Variants in ARGFX observed in about 807,000 individuals in gnomAD.
The protein encoded by ARGFX is arginine-fifty homeobox.
A neutral mutation model predicts 8.0 loss-of-function variants in ARGFX; 10 were observed. The observed-to-expected ratio is 1.25, with a 90% CI of 0.77 to 2.12. ARGFX has a LOEUF of 2.12. ARGFX is among the 30% of genes most tolerant of loss of function. ARGFX has a pLI of 0.00. For synonymous variants in ARGFX, 116 were observed against 117.8 expected, an observed-to-expected ratio of 0.98 and a Z score of 0.10; for missense variants, 282 against 324.3, an observed-to-expected ratio of 0.87 and a Z score of 1.00.
chr3:121,577,244 TA>T (rs1560120448), intron 3 of ARGFX, among the ~76,000 whole-genome samples: 45 of 53,352 alleles, frequency 8.4e-4, no homozygotes, highest in African/African-American at 2.8e-3. Context: ...TATATATATA[TA>T]TATATATATA....
chr3:121,578,148 CAG>C (rs1422779516), intron 3 of ARGFX, among the ~76,000 whole-genome samples: 4 of 106,288 alleles, frequency 3.8e-5, no homozygotes, highest in African/African-American at 1.2e-4. Context: ...TTTTTTGAGA[CAG>C]AGTTTCACTC....
intron 2 of ARGFX, 63 bp from the exon 3 acceptor site, chr3:121,576,721 T>C (rs1475540409): frequency 3.6e-6 from 1 of 280,516 alleles, no homozygotes; most frequent in Non-Finnish European, 7.1e-6. Flanking sequence ...CTTTCTTTCT[T>C]TCTTTCTTTC....
At chr3:121,584,434 T>A (rs1466221436) in intron 3 of ARGFX, among the ~76,000 whole-genome samples, 1 of 152,176 alleles carries the variant, frequency 6.6e-6, no homozygotes, top group Non-Finnish European at 1.5e-5. Context: ...TTCTATTTCA[T>A]AATTAAAAAA....
At chr3:121,577,259 A>ATATATATATTTTT (rs1403064031) in intron 3 of ARGFX, among the ~76,000 whole-genome samples, 12 of 59,612 alleles carry the variant, frequency 2.0e-4, no homozygotes, top group East Asian at 6.9e-4. Context: ...ATATATATAT[A>ATATATATATTTTT]TTTTTTTTTT....
intron 3 of ARGFX, among the ~76,000 whole-genome samples, chr3:121,581,993 A>G (rs1378038715): frequency 6.6e-6 from 1 of 152,202 alleles, no homozygotes; most frequent in African/African-American, 2.4e-5. Context: ...ATTGAACAGA[A>G]CAGCTCTAGA....
At chr3:121,579,940 CTTTTCTTTTTT>C (rs1282921734) in intron 3 of ARGFX, among the ~76,000 whole-genome samples, 2 of 43,256 alleles carry the variant, frequency 4.6e-5, no homozygotes, top group African/African-American at 1.8e-4. Context: ...CTTTTCTTTT[CTTTTCTTTTTT>C]TTTTTTTTTT....
Position 121,574,254 on chromosome 3 carries a change from AG to A in ARGFX, c.104-2527del, listed in dbSNP as rs2048724243. On this transcript the variant is annotated intron_variant, in intron 2 of 4. Coordinates refer to ENST00000334384, the MANE Select transcript of ARGFX (RefSeq NM_001012659.2). The stretch of plus-strand genomic sequence containing the variant: ...AGCAGTCTCCAACCTTTTTGGCACC[AG>A]GGACTGGTTTGTGGAAGACAGTTTT... Among the ~76,000 whole-genome samples, 3 of 152,216 alleles carry A rather than the reference AG, an allele frequency of 2.0e-5. No individual in the cohort carries two copies. The South Asian group carries it at 6.2e-4, about 32-fold the overall frequency.
intron 4 of ARGFX, 139 bp from the exon 5 acceptor site, chr3:121,585,883 C>A: frequency 2.6e-6 from 2 of 778,682 alleles, no homozygotes; most frequent in Non-Finnish European, 4.1e-6. Context: ...TCATGCCCAT[C>A]TCTGCTTTTG....
intron 3 of ARGFX, among the ~76,000 whole-genome samples, chr3:121,577,257 A>ATTTT (rs1451662475): frequency 4.8e-3 from 268 of 56,366 alleles, no homozygotes; most frequent in South Asian, 7.9e-3. Context: ...ATATATATAT[A>ATTTT]TATTTTTTTT....
Position 121,570,776 on chromosome 3 carries a change from C to T in ARGFX, c.63C>T (p.Ser21=). The change falls in exon 2 of 5, where the codon TCC becomes TCT. Residue 21 remains serine (S), a synonymous_variant. Coordinates refer to ENST00000334384, the MANE Select transcript of ARGFX (RefSeq NM_001012659.2). The part of the protein sequence containing the change: ...QPDPFINRNY[S]NMKVIPPQDP... ...ACCCTTTCATCAATAGGAATTATTC[C>T]AACATGAAGGTGATACCACCACAGG... 1 of 1,608,776 alleles carries T rather than the reference C, an allele frequency of 6.2e-7. No homozygotes were observed. Among genetic ancestry groups the T allele is most frequent in the Non-Finnish European group, 8.5e-7 (1 of 1,177,826 alleles).
chr3:121,570,482 G>A (rs1157560500), intron 1 of ARGFX, among the ~76,000 whole-genome samples: 2 of 152,148 alleles, frequency 1.3e-5, no homozygotes, highest in South Asian at 2.1e-4. Context: ...ATTGACACAG[G>A]ATTTCTTTTG....
intron 3 of ARGFX, among the ~76,000 whole-genome samples, chr3:121,578,080 C>G (rs889138946): frequency 1.3e-5 from 2 of 151,422 alleles, no homozygotes; most frequent in African/African-American, 4.9e-5. Flanking sequence ...GCCACCACAC[C>G]TGGCCAAAAG....
intron 3 of ARGFX, among the ~76,000 whole-genome samples, chr3:121,577,247 ATATATATATATATT>A (rs1198803269): frequency 5.0e-4 from 26 of 52,142 alleles, no homozygotes; most frequent in East Asian, 1.4e-3. Context: ...ATATATATAT[ATATATATATATATT>A]TTTTTTTTTT....
At position 121,587,222 on chromosome 3, in the gene ARGFX, T is replaced by C. The variant is rs1379263614; in HGVS notation, c.*622T>C. Among the ~76,000 whole-genome samples, 1 of 152,142 alleles carries C rather than the reference T, an allele frequency of 6.6e-6. No homozygotes were observed. The highest frequency in any genetic ancestry group is 1.5e-5 in the Non-Finnish European group (1 of 68,020). On this transcript the variant is annotated 3_prime_UTR_variant, in exon 5 of 5. Coordinates refer to ENST00000334384, the MANE Select transcript of ARGFX (RefSeq NM_001012659.2). ...GTGTGCCACCATGCCTGGCTAACTTTTGTATTTTTAGTAGAGACGGGGTTT... is the reference window on the plus strand; with the variant it reads ...GTGTGCCACCATGCCTGGCTAACTTCTGTATTTTTAGTAGAGACGGGGTTT...
At chr3:121,580,763 C>T (rs1459958366) in intron 3 of ARGFX, among the ~76,000 whole-genome samples, 1 of 151,330 alleles carries the variant, frequency 6.6e-6, no homozygotes, top group Non-Finnish European at 1.5e-5. Flanking sequence ...TGCCACCACA[C>T]CTGGCTAATT....
intron 4 of ARGFX, 63 bp from the exon 5 acceptor site, chr3:121,585,959 G>A: frequency 3.4e-6 from 5 of 1,473,590 alleles, no homozygotes; most frequent in Non-Finnish European, 3.7e-6. Context: ...TTTCACTCAG[G>A]AGAATCCTCC....
intron 3 of ARGFX, among the ~76,000 whole-genome samples, chr3:121,582,613 G>C (rs1418464295): frequency 6.6e-6 from 1 of 152,130 alleles, no homozygotes; most frequent in Non-Finnish European, 1.5e-5. Flanking sequence ...TTTATCTATA[G>C]TGTTTATTTT....
At chr3:121,584,262 GGAAGGAAA>G (rs1333647102) in intron 3 of ARGFX, among the ~76,000 whole-genome samples, 6 of 138,684 alleles carry the variant, frequency 4.3e-5, no homozygotes, top group African/African-American at 1.6e-4. Flanking sequence ...AAGGAAGGAA[GGAAGGAAA>G]GAAAAGAAGA....
chr3:121,584,594 CTT>C (rs1024503617), intron 3 of ARGFX, among the ~76,000 whole-genome samples: 4 of 152,152 alleles, frequency 2.6e-5, no homozygotes, highest in African/African-American at 9.7e-5. Flanking sequence ...AAACAGAAAA[CTT>C]TTCAGTGCAG....
Sources: gnomAD v4.1 joint callset for allele counts (sites outside exome capture counted in the v4.1 genomes callset) on GRCh38, gnomAD v4.1.1 for gene constraint, MANE v1.5 for transcripts, NCBI Gene and HGNC (gene_info 2026-07-23, HGNC 2026-07-21) for gene names.